Variants in PRKAR1A observed in about 807,000 individuals in gnomAD.
PRKAR1A encodes protein kinase cAMP-dependent type I regulatory subunit alpha, also known as cAMP-dependent protein kinase type I-alpha regulatory subunit.
A neutral mutation model predicts 52.0 loss-of-function variants in PRKAR1A; 3 were observed. The observed-to-expected ratio is 0.06, with a 90% confidence interval of 0.03 to 0.15. The LOEUF is 0.15. PRKAR1A is among the 10% of genes least tolerant of loss of function. The pLI is 1.00. For missense variants in PRKAR1A, 240 were observed against 477.4 expected (o/e 0.50, Z 4.63); for synonymous variants, 188 against 168.4 (o/e 1.12, Z -0.90).
the PRKAR1A span, chr17:68,450,618 C>T: frequency 0.03 from 41,782 of 1,394,276 alleles, 771 homozygotes; most frequent in Non-Finnish European, 0.036. Context: ...TTAACATTCT[C>T]ATTAGAATTG....
At chr17:68,517,052 C>G (rs144140439) in intron 2 of PRKAR1A, among the ~76,000 whole-genome samples, 1 of 152,262 alleles carries the variant, frequency 6.6e-6, no homozygotes, top group African/African-American at 2.4e-5. Context: ...GTAGTTGCCA[C>G]AGTACTGTTT....
intron 5 of PRKAR1A, 111 bp from the exon 6 acceptor site, chr17:68,524,801 G>A: frequency 1.2e-6 from 1 of 845,742 alleles, no homozygotes; most frequent in Non-Finnish European, 2.0e-6. Flanking sequence ...GTGTTAGTTT[G>A]TAACACACTC....
At chr17:68,430,009 A>AGATGTT in the PRKAR1A span, 11 of 1,614,204 alleles carry the variant, frequency 6.8e-6, no homozygotes, top group Non-Finnish European at 9.3e-6. Flanking sequence ...GAGAGGGTAC[A>AGATGTT]GATGTTCCTC....
At chr17:68,448,772 A>G in the PRKAR1A span, among the ~76,000 whole-genome samples, 1 of 152,236 alleles carries the variant, frequency 6.6e-6, no homozygotes, top group African/African-American at 2.4e-5. Flanking sequence ...AAGGATAAAA[A>G]GTTTAGCAGC....
chr17:68,491,154 T>C, the PRKAR1A span, among the ~76,000 whole-genome samples: 1 of 151,516 alleles, frequency 6.6e-6, no homozygotes, highest in Admixed American at 6.6e-5. Context: ...TGCAATGGCA[T>C]GATCTCAGCT....
At chr17:68,470,662 T>C in the PRKAR1A span, among the ~76,000 whole-genome samples, 1 of 152,210 alleles carries the variant, frequency 6.6e-6, no homozygotes, top group Admixed American at 6.5e-5. Context: ...CAAAGGTTAA[T>C]AATTCGTTGC....
the PRKAR1A span, among the ~76,000 whole-genome samples, chr17:68,481,040 C>T: frequency 6.6e-6 from 1 of 152,210 alleles, no homozygotes; most frequent in Admixed American, 6.5e-5. Flanking sequence ...AGTCAGGTGT[C>T]TCCCTACCCA....
At chr17:68,542,089 C>G in intron 11 of PRKAR1A, 1 of 1,613,974 alleles carries the variant, frequency 6.2e-7, no homozygotes, top group Non-Finnish European at 8.5e-7. Flanking sequence ...AACCCTCCAG[C>G]AGGTGTGGGT....
chr17:68,535,199 G>C (rs931923844), downstream of PRKAR1A: 1 of 446,542 alleles, frequency 2.2e-6, no homozygotes, highest in Non-Finnish European at 4.5e-6. Flanking sequence ...GAATGAAACG[G>C]TTGGTTTTCT....
chr17:68,436,665 G>A, the PRKAR1A span, among the ~76,000 whole-genome samples: 2 of 152,110 alleles, frequency 1.3e-5, no homozygotes, highest in East Asian at 1.9e-4. Flanking sequence ...AACTTCACAG[G>A]GGAAGACCTC....
chr17:68,548,878 A>G (rs573332508), intron 11 of PRKAR1A, among the ~76,000 whole-genome samples: 270 of 151,300 alleles, frequency 1.8e-3, no homozygotes, highest in African/African-American at 6.0e-3. Context: ...GACTACCGGC[A>G]CCCACCACCA....
At chr17:68,443,174 G>A in the PRKAR1A span, among the ~76,000 whole-genome samples, 43 of 152,080 alleles carry the variant, frequency 2.8e-4, no homozygotes, top group Admixed American at 2.4e-3. Flanking sequence ...GCAGTGGTGC[G>A]ATCTCAGCTC....
At chr17:68,458,958 A>T in the PRKAR1A span, among the ~76,000 whole-genome samples, 1 of 152,112 alleles carries the variant, frequency 6.6e-6, no homozygotes, top group African/African-American at 2.4e-5. Context: ...ATATATATTT[A>T]ACCTTGGACC....
chr17:68,432,016 A>AT, the PRKAR1A span, among the ~76,000 whole-genome samples: 2 of 152,174 alleles, frequency 1.3e-5, no homozygotes, highest in African/African-American at 4.8e-5. Context: ...GCTCCAAAAA[A>AT]GATCAGGGCT....
At chr17:68,523,077 T>A in intron 3 of PRKAR1A, 151 bp downstream of exon 3, 2 of 869,660 alleles carry the variant, frequency 2.3e-6, no homozygotes, top group Non-Finnish European at 1.8e-6. Flanking sequence ...CAGGTTTCTG[T>A]AATAGCATGC....
the PRKAR1A span, chr17:68,457,537 G>T: frequency 9.4e-3 from 685 of 72,904 alleles, no homozygotes; most frequent in South Asian, 0.019. Context: ...ACCCCGCCCC[G>T]TCCCCACCCC....
At chr17:68,510,159 CAGAGAGAGAGAGAGAGAGAG>C (rs35144524), upstream of PRKAR1A, among the ~76,000 whole-genome samples, 3 of 127,520 alleles carry the variant, frequency 2.4e-5, no homozygotes, top group Non-Finnish European at 3.3e-5. Context: ...TATATGTAGA[CAGAGAGAGAGAGAGAGAGAG>C]AGAGAGAGAG....
chr17:68,542,890 A>C, intron 11 of PRKAR1A: 1 of 1,093,626 alleles, frequency 9.1e-7, no homozygotes. Flanking sequence ...GCCAGTGCAC[A>C]TTAGGAATTG....
chr17:68,476,729 C>G, the PRKAR1A span, among the ~76,000 whole-genome samples: 1 of 151,982 alleles, frequency 6.6e-6, no homozygotes, highest in East Asian at 1.9e-4. Flanking sequence ...TGGAGGCAAT[C>G]TCGGCTCACT....
Sources: allele counts gnomAD v4.1 joint callset (sites outside exome capture counted in the v4.1 genomes callset), GRCh38; gene constraint gnomAD v4.1.1; transcripts MANE v1.5; gene names NCBI Gene and HGNC (gene_info 2026-07-23, HGNC 2026-07-21).